Variants in TULP4 observed in about 807,000 individuals in gnomAD.
TULP4 encodes TUB like protein 4.
A neutral mutation model predicts 129.0 loss-of-function variants in TULP4; 16 were observed. The observed-to-expected ratio is 0.12, with a 90% confidence interval of 0.08 to 0.19. TULP4 has a LOEUF of 0.19. Ranked by LOEUF, TULP4 falls within the 10% of genes least tolerant of loss-of-function variation. The pLI is 1.00. For synonymous variants in TULP4, 998 were observed against 854.0 expected (o/e 1.17, Z -2.94); for missense variants, 1,842 against 2,059.1 (o/e 0.89, Z 2.04).
At chr6:158,492,240 G>A (rs1287933016) in intron 9 of TULP4, among the ~76,000 whole-genome samples, 1 of 152,182 alleles carries the variant, frequency 6.6e-6, no homozygotes, top group Non-Finnish European at 1.5e-5. Context: ...CTTCTTTTGT[G>A]GTTAGTGCTT....
intron 6 of TULP4, among the ~76,000 whole-genome samples, chr6:158,471,762 T>TGAAC (rs1779687837): frequency 6.6e-6 from 1 of 152,158 alleles, no homozygotes; most frequent in South Asian, 2.1e-4. Flanking sequence ...TGCCAGTTCA[T>TGAAC]TGCCTAGAAC....
chr6:158,265,002 C>T (rs894572875), intron 1 of TULP4, among the ~76,000 whole-genome samples: 5 of 152,240 alleles, frequency 3.3e-5, no homozygotes, highest in African/African-American at 1.2e-4. Context: ...TCTGACAACA[C>T]AGAGCAGTCA....
chr6:158,503,559 T>A lies in TULP4; in HGVS notation c.3896T>A (p.Leu1299His), dbSNP rs748591714. The A allele has an allele frequency of 1.2e-6, 2 of 1,613,804 alleles. No homozygotes were observed. Among genetic ancestry groups the A allele is most frequent in the East Asian group, 4.5e-5 (2 of 44,868 alleles). ...KPLVSPPPAD[L>H]QSHLGTEVMV... ...CTTGTGTCCCCACCACCTGCCGACCTCCAAAGCCACTTGGGCACAGAGGTG... is the reference window on the plus strand; with the variant it reads ...CTTGTGTCCCCACCACCTGCCGACCACCAAAGCCACTTGGGCACAGAGGTG... The change falls in exon 13 of 14, where the codon CTC becomes CAC. Residue 1299 changes from leucine to histidine, a missense_variant. Leu to His is a moderately conservative substitution (Grantham distance 99, BLOSUM62 -3). Around this residue, in one of 5 missense-constraint regions of TULP4, gnomAD observed 1,089 missense variants for 987.1 expected, o/e 1.10. Transcript: ENST00000367097. This position sits in a 1 kb window ranked among gnomAD's most constrained non-coding sequence, Gnocchi z 4.3.
At chr6:158,370,397 C>T (rs1777044878) in intron 1 of TULP4, among the ~76,000 whole-genome samples, 1 of 130,968 alleles carries the variant, frequency 7.6e-6, no homozygotes, top group South Asian at 2.4e-4. Flanking sequence ...ACAGAGGCTG[C>T]AGTGAGCCAA....
At chr6:158,400,237 A>G (rs569915110) in intron 1 of TULP4, among the ~76,000 whole-genome samples, 8 of 152,356 alleles carry the variant, frequency 5.3e-5, no homozygotes, top group Non-Finnish European at 1.0e-4. Flanking sequence ...GGCATGATTT[A>G]TAGGCTTTTC....
At chr6:158,392,060 G>T (rs1777596249) in intron 1 of TULP4, among the ~76,000 whole-genome samples, 1 of 152,152 alleles carries the variant, frequency 6.6e-6, no homozygotes. Context: ...CCTAGACTGG[G>T]CAGTTTACAA....
chr6:158,492,966 T>C (rs763796060), intron 9 of TULP4, among the ~76,000 whole-genome samples: 35 of 152,202 alleles, frequency 2.3e-4, no homozygotes, highest in Middle Eastern at 3.2e-3. Flanking sequence ...AAATGCTAGA[T>C]AAATTTGTTG....
chr6:158,340,394 T>G (rs1780153397), intron 1 of TULP4, among the ~76,000 whole-genome samples: 1 of 152,098 alleles, frequency 6.6e-6, no homozygotes, highest in Non-Finnish European at 1.5e-5. Context: ...CCTAAGTGAG[T>G]CTTTCCCTCC....
chr6:158,418,823 T>G (rs989131629), intron 2 of TULP4, among the ~76,000 whole-genome samples: 1 of 152,154 alleles, frequency 6.6e-6, no homozygotes, highest in Non-Finnish European at 1.5e-5. Context: ...ATTACCAGTT[T>G]TTTTGTGTGA....
chr6:158,387,085 T>G (rs1262429133), intron 1 of TULP4, among the ~76,000 whole-genome samples: 4 of 152,128 alleles, frequency 2.6e-5, no homozygotes, highest in African/African-American at 9.7e-5. Context: ...GGTAAGTGTG[T>G]GGGCCCACAG....
intron 1 of TULP4, among the ~76,000 whole-genome samples, chr6:158,292,339 A>G (rs1182348869): frequency 6.6e-6 from 1 of 152,160 alleles, no homozygotes; most frequent in Non-Finnish European, 1.5e-5. Context: ...AACTGTGACT[A>G]TTGGTCACCC....
intron 2 of TULP4, among the ~76,000 whole-genome samples, chr6:158,427,470 C>CTTTTTTTTTTT (rs1251385882): frequency 3.6e-4 from 36 of 100,690 alleles, no homozygotes; most frequent in East Asian, 5.7e-4. Flanking sequence ...AATTATCAGA[C>CTTTTTTTTTTT]CTTTTTTTTT....
At chr6:158,245,859 G>C (rs1339520674) in intron 1 of TULP4, among the ~76,000 whole-genome samples, 1 of 152,144 alleles carries the variant, frequency 6.6e-6, no homozygotes, top group East Asian at 1.9e-4. Flanking sequence ...GGCTTTGAAG[G>C]CTGAGCCGAG....
upstream of TULP4, among the ~76,000 whole-genome samples, chr6:158,281,647 G>C (rs1473690830): frequency 6.6e-6 from 1 of 152,174 alleles, no homozygotes; most frequent in Non-Finnish European, 1.5e-5. Context: ...GATTTTTAGG[G>C]AGAAGGGGAA....
rs758138573 is a variant in TULP4, at chr6:158,503,896, G to A, written c.4233G>A (p.Glu1411=). 5 of 1,614,108 alleles carry A rather than the reference G, an allele frequency of 3.1e-6. No homozygotes were observed. Among genetic ancestry groups the A allele is most frequent in the African/African-American group, 2.7e-5 (2 of 75,058 alleles). Residue 1411 remains glutamate (E), a synonymous_variant, in exon 13 of 14, where the codon GAG becomes GAA. Coordinates refer to ENST00000367097, the MANE Select transcript of TULP4 (RefSeq NM_020245.5). This position sits in a 1 kb window ranked among gnomAD's most constrained non-coding sequence, Gnocchi z 4.3. ...AGGACAGCTCCGAGAGCGAGCCTGA[G>A]CTGTTCATCAGCGGGGATGAGCTCA... The part of the protein sequence containing the change: ...EFQDSSESEP[E]LFISGDELMN...
At position 158,503,350 on chromosome 6, in the gene TULP4, G is replaced by C. The variant is rs199905889; in HGVS notation, c.3687G>C (p.Pro1229=). The change falls in exon 13 of 14, where the codon CCG becomes CCC. Residue 1229 remains proline, a synonymous_variant. Transcript: ENST00000367097. The surrounding 1 kb of genome is among the most constrained non-coding windows in gnomAD (Gnocchi z 4.3). ...AGGAGCCTGCTGTGGTCCTTCAGCC[G>C]CTGTACCCACCCAGCCTCTCCTATT... The part of the protein sequence containing the change: ...AQQEPAVVLQ[P]LYPPSLSYCT... 6.2e-7 allele frequency: 1 copy of C among 1,613,626 alleles called. No individual in the cohort carries two copies. The highest frequency in any genetic ancestry group is 1.7e-5 in the Admixed American group (1 of 60,004).
chr6:158,305,363 G>GTGTA (rs1405532834), intron 1 of TULP4, among the ~76,000 whole-genome samples: 9 of 143,326 alleles, frequency 6.3e-5, no homozygotes, highest in Non-Finnish European at 9.1e-5. Flanking sequence ...GTGTGTGTGT[G>GTGTA]TACATATACC....
At chr6:158,289,593 T>C (rs1778894967) in intron 1 of TULP4, among the ~76,000 whole-genome samples, 1 of 152,144 alleles carries the variant, frequency 6.6e-6, no homozygotes, top group Non-Finnish European at 1.5e-5. Context: ...TTTTGTTTTG[T>C]TTTTTGAGAC....
chr6:158,415,692 A>T (rs1447955820), intron 2 of TULP4, among the ~76,000 whole-genome samples: 1 of 151,378 alleles, frequency 6.6e-6, no homozygotes, highest in Non-Finnish European at 1.5e-5. Flanking sequence ...AAAAAAAGTT[A>T]GCAGTCTCAG....
Sources: gnomAD v4.1 joint callset for allele counts (sites outside exome capture counted in the v4.1 genomes callset) on GRCh38, gnomAD v4.1.1 for gene constraint, gnomAD v4.1.1 regional missense constraint, Gnocchi (gnomAD v3.1) non-coding constraint, MANE v1.5 for transcripts, NCBI Gene and HGNC (gene_info 2026-07-23, HGNC 2026-07-21) for gene names.